Variants in PIDD1 observed in about 807,000 individuals in gnomAD.
PIDD1 encodes the protein p53-induced death domain protein 1.
A neutral mutation model predicts 80.0 loss-of-function variants in PIDD1; 72 were observed. The observed-to-expected ratio is 0.90, with a 90% CI of 0.74 to 1.09. The LOEUF is 1.09. Ranked by LOEUF, PIDD1 falls within the 50% of genes least tolerant of loss-of-function variation. The pLI is 0.00. For synonymous variants in PIDD1, 655 were observed against 543.5 expected, an observed-to-expected ratio of 1.21 and a Z score of -2.85; for missense variants, 1,329 against 1,228.3, an observed-to-expected ratio of 1.08 and a Z score of -1.23.
chr11:805,394 C>T, upstream of PIDD1: 1 of 335,180 alleles, frequency 3.0e-6, no homozygotes, highest in Non-Finnish European at 4.3e-6. Flanking sequence ...GCCCCGGAGA[C>T]GCGGACGCGA....
chr11:805,768 T>C, upstream of PIDD1: 3 of 778,640 alleles, frequency 3.9e-6, no homozygotes, highest in Non-Finnish European at 4.7e-6. Flanking sequence ...CTCCTGGCAC[T>C]GTCTCCTTCA....
Position 801,504 on chromosome 11 carries a change from C to G in PIDD1, c.1423G>C (p.Gly475Arg), listed in dbSNP as rs930087819. The change falls in exon 8 of 16, where the codon GGG becomes CGG. Residue 475 changes from glycine to arginine, a missense_variant. Transcript: ENST00000347755. ...GTLLCSSGHP[G>R]VKVIFPPGAT... ...CCAGGGGGGAAGATGACTTTGACCCCAGGATGACCCGAGGAGCACAGCAGT... is the reference window on the plus strand; with the variant it reads ...CCAGGGGGGAAGATGACTTTGACCCGAGGATGACCCGAGGAGCACAGCAGT... 2 of 1,551,344 alleles carry G rather than the reference C, an allele frequency of 1.3e-6. No homozygotes were observed. Among genetic ancestry groups the G allele is most frequent in the African/African-American group, 2.7e-5 (2 of 73,476 alleles).
upstream of PIDD1, chr11:805,677 G>T: frequency 2.0e-6 from 2 of 985,530 alleles, no homozygotes; most frequent in South Asian, 4.7e-5. Flanking sequence ...GGCCTCCTCC[G>T]GGAAGCCTGC....
rs764226245 is a variant in PIDD1 at position 799,387 on chromosome 11, G to A, written c.2653C>T (p.Arg885Ter). The change falls in exon 16 of 16, where the codon CGA (arginine) becomes TGA (stop). Residue 885 changes from arginine (R) to a stop codon, truncating the protein, a stop_gained. Coordinates refer to ENST00000347755, the MANE Select transcript of PIDD1 (RefSeq NM_145886.4). LOFTEE classifies it low-confidence loss of function (END_TRUNC). ...LGRRKYQDSI[R>*]RMGLAPKDPA... is the part of the protein sequence containing the mutation. ...TCCTTGGGGGCCAAGCCCATGCGTC[G>A]GATGCTGTCCTGGTACTTGCGGCGG... 1.4e-5 allele frequency: 23 copies of A among 1,611,818 alleles called. No individual in the cohort carries two copies. Among genetic ancestry groups the A allele is most frequent in the African/African-American group, 9.3e-5 (7 of 74,940 alleles).
intron 2 of PIDD1, 22 bp downstream of exon 2, chr11:804,072 G>A (rs1446440495): frequency 1.3e-6 from 2 of 1,587,852 alleles, no homozygotes; most frequent in East Asian, 4.5e-5. Context: ...TGGAGACAGG[G>A]CCCAGAACAG....
upstream of PIDD1, chr11:805,707 C>A: frequency 1.0e-6 from 1 of 984,132 alleles, no homozygotes; most frequent in Non-Finnish European, 1.2e-6. Flanking sequence ...CTCTCTGGGC[C>A]TGCAAAGACC....
chr11:803,072 G>T, intron 3 of PIDD1, 102 bp downstream of exon 3: 2 of 1,008,500 alleles, frequency 2.0e-6, no homozygotes, highest in Non-Finnish European at 2.9e-6. Flanking sequence ...CCAAGAGGCA[G>T]CTGTGGACCA....
chr11:800,518 A>G lies in PIDD1; in HGVS notation c.2041+25T>C, dbSNP rs375412698. The G allele has an allele frequency of 3.7e-6, 6 of 1,609,750 alleles. No individual in the cohort carries two copies. In the South Asian group the frequency reaches 4.4e-5, roughly 12 times the overall value. On this transcript the variant is annotated intron_variant, in intron 12 of 15. Transcript: ENST00000347755. Reference sequence around the variant, plus strand: ...GACGGTAAGGCTCCCCCTCCAGGGCAGGGAGCATCCACCAGCATCCCTACC... The same window carrying G: ...GACGGTAAGGCTCCCCCTCCAGGGCGGGGAGCATCCACCAGCATCCCTACC...
rs776580888 is a variant in PIDD1, at chr11:802,310, A to ATGGGGG, written c.1055_1060dup (p.Thr352_Pro353dup). 1.2e-5 allele frequency: 20 copies of ATGGGGG among 1,612,072 alleles called. No individual in the cohort carries two copies. The highest frequency in any genetic ancestry group is 1.6e-5 in the Non-Finnish European group (19 of 1,179,826). On this transcript the variant is annotated inframe_insertion, in exon 6 of 16. Transcript: ENST00000347755. The stretch of plus-strand genomic sequence containing the variant: ...CAGCAGCAGCCGATAGCGGATGGTG[A>ATGGGGG]TGGGGGTGGCGGTGGCTCCCGCTGG...
chr11:800,790 A>C lies in PIDD1; in HGVS notation c.1889T>G (p.Val630Gly). Reference protein sequence around the residue: ...ALQRRRDPEQVLLQCLPRNKV... With the variant: ...ALQRRRDPEQGLLQCLPRNKV... The stretch of plus-strand genomic sequence containing the variant: ...GTTTCGGGGCAGGCACTGCAGCAGG[A>C]CCTGCTCAGGGTCCCGGCGCCGCTG... Residue 630 changes from valine to glycine, a missense_variant, in exon 11 of 16, where the codon GTC becomes GGC. Coordinates refer to ENST00000347755, the MANE Select transcript of PIDD1 (RefSeq NM_145886.4). The C allele has an allele frequency of 3.2e-6, 5 of 1,553,810 alleles. No individual in the cohort carries two copies. The highest frequency in any genetic ancestry group is 4.3e-6 in the Non-Finnish European group (5 of 1,149,480).
chr11:802,463 G>A (rs1865437876), intron 5 of PIDD1, 67 bp from the exon 6 acceptor site: 2 of 1,599,454 alleles, frequency 1.3e-6, no homozygotes, highest in East Asian at 2.2e-5. Context: ...CCTGGACCCA[G>A]GAACTCTGGA....
In PIDD1 at chr11:803,339, G is replaced by C. The variant is rs200829634; in HGVS notation, c.544C>G (p.Arg182Gly). The change falls in exon 3 of 16, where the codon CGC (arginine) becomes GGC (glycine). Residue 182 changes from arginine (R) to glycine (G), a missense_variant. By Grantham distance (125) the Arg-to-Gly change is moderately radical (BLOSUM62 -2). Coordinates refer to ENST00000347755, the MANE Select transcript of PIDD1 (RefSeq NM_145886.4). The part of the protein sequence containing the change: ...ALTFLTVTHN[R>G]LQTLPPALGA... The stretch of plus-strand genomic sequence containing the variant: ...AGTGCTGGGGGCAGCGTCTGCAGGC[G>C]GTTGTGTGTCACTGTGAGGAAGGTG... 6.2e-7 allele frequency: 1 copy of C among 1,613,984 alleles called. No individual in the cohort carries two copies. Among genetic ancestry groups the C allele is most frequent in the East Asian group, 2.2e-5 (1 of 44,890 alleles).
chr11:802,439 C>G (rs1366899649), intron 5 of PIDD1, 43 bp from the exon 6 acceptor site: 2 of 1,596,644 alleles, frequency 1.3e-6, no homozygotes, highest in South Asian at 2.2e-5. Flanking sequence ...CCCAGAAGGG[C>G]CTACGTGTTG....
chr11:801,464 G>C lies in PIDD1; in HGVS notation c.1463C>G (p.Pro488Arg), dbSNP rs560079699. 7 of 1,545,750 alleles carry C rather than the reference G, an allele frequency of 4.5e-6. No individual in the cohort carries two copies. The African/African-American group carries it at 8.2e-5, about 18-fold the overall frequency. The change falls in exon 8 of 16, where the codon CCT becomes CGT. Residue 488 changes from proline to arginine, a missense_variant. Transcript: ENST00000347755. ...VIFPPGATEE[P>R]RRVSMQVVRM... is the part of the protein sequence containing the mutation. Reference sequence around the variant, plus strand: ...CCATACCTGCATGGAGACTCGACGAGGCTCCTCAGTGGCCCCAGGGGGGAA... The same window carrying C: ...CCATACCTGCATGGAGACTCGACGACGCTCCTCAGTGGCCCCAGGGGGGAA...
At position 802,793 on chromosome 11, in the gene PIDD1, G is replaced by A. The variant is rs535678199; in HGVS notation, c.808C>T (p.Leu270=). The change falls in exon 4 of 16, where the codon CTG becomes TTG. Residue 270 remains leucine (L), a synonymous_variant. Coordinates refer to ENST00000347755, the MANE Select transcript of PIDD1 (RefSeq NM_145886.4). The part of the protein sequence containing the change: ...ARLPLLTRLD[L]RDNQLRDLPP... ...AGGTCCCGGAGCTGGTTGTCCCTCA[G>A]GTCGAGCCGGGTGAGGAGTGGAAGG... 3.7e-6 allele frequency: 6 copies of A among 1,605,448 alleles called. No individual in the cohort carries two copies. Among genetic ancestry groups the A allele is most frequent in the Non-Finnish European group, 5.1e-6 (6 of 1,176,730 alleles).
intron 3 of PIDD1, 50 bp downstream of exon 3, chr11:803,124 T>G: frequency 1.5e-6 from 2 of 1,365,090 alleles, no homozygotes; most frequent in Non-Finnish European, 2.0e-6. Context: ...CAGGCAGGCT[T>G]CAGGGACCCT....
In PIDD1 at chr11:800,585, C is replaced by G; in HGVS notation, c.1999G>C (p.Glu667Gln). 1 of 1,583,242 alleles carries G rather than the reference C, an allele frequency of 6.3e-7. No individual in the cohort carries two copies. The highest frequency in any genetic ancestry group is 8.6e-7 in the Non-Finnish European group (1 of 1,164,138). ...SDTVEMFEGEEFFAAFERGID... is the reference protein window; with the variant it reads ...SDTVEMFEGEQFFAAFERGID... ...CCGCGCTCGAAGGCCGCAAAGAACT[C>G]TTCGCCCTCGAACATCTCCACCGTG... Residue 667 changes from glutamate (E) to glutamine (Q), a missense_variant, in exon 12 of 16, where the codon GAG becomes CAG. Transcript: ENST00000347755.
rs367951971 is a variant in PIDD1 at position 800,408 on chromosome 11, G to A, written c.2085C>T (p.Tyr695=). ...CVEGRICFVF[Y]SHLKNVKEVY... ...CCTCCTTCACATTCTTCAGGTGCGAGTAGAAGACAAAGCAGATTCTGCCCT... is the reference window on the plus strand; with the variant it reads ...CCTCCTTCACATTCTTCAGGTGCGAATAGAAGACAAAGCAGATTCTGCCCT... Residue 695 remains tyrosine, a synonymous_variant, in exon 13 of 16, where the codon TAC becomes TAT. Coordinates refer to ENST00000347755, the MANE Select transcript of PIDD1 (RefSeq NM_145886.4). The A allele has an allele frequency of 1.8e-5, 29 of 1,574,874 alleles. No homozygotes were observed. Among genetic ancestry groups the A allele is most frequent in the Middle Eastern group, 1.7e-4 (1 of 5,982 alleles).
In PIDD1 at chr11:799,862, G is replaced by A. The variant is rs1865098248; in HGVS notation, c.2427C>T (p.His809=). The change falls in exon 15 of 16, where the codon CAC becomes CAT. Residue 809 remains histidine (H), a synonymous_variant. Coordinates refer to ENST00000347755, the MANE Select transcript of PIDD1 (RefSeq NM_145886.4). ...LGLDWPAVAL[H]LGVSYREVQR... is the part of the protein sequence containing the mutation. ...GCACCTCCCGGTAGGACACCCCCAGGTGCAGGGCCACGGCTGGCCAGTCCA... is the reference window on the plus strand; with the variant it reads ...GCACCTCCCGGTAGGACACCCCCAGATGCAGGGCCACGGCTGGCCAGTCCA... 1.2e-6 allele frequency: 2 copies of A among 1,610,120 alleles called. No individual in the cohort carries two copies. The highest frequency in any genetic ancestry group is 1.7e-6 in the Non-Finnish European group (2 of 1,179,160).
Sources: gnomAD v4.1 joint callset for allele counts on GRCh38, gnomAD v4.1.1 for gene constraint, MANE v1.5 for transcripts, NCBI Gene and HGNC (gene_info 2026-07-23, HGNC 2026-07-21) for gene names.